The following AHNAK variants were observed in gnomAD, a reference collection of about 807,000 sequenced individuals.
AHNAK encodes the protein AHNAK nucleoprotein.
Under a neutral mutation model 37.8 loss-of-function variants are expected in AHNAK, and 23 were observed. That is an observed-to-expected ratio of 0.61 (90% CI 0.44 to 0.86). AHNAK has a LOEUF of 0.86. AHNAK is among the 40% of genes least tolerant of loss of function. The pLI, the probability that AHNAK is intolerant of heterozygous loss-of-function variation, is 0.00. For synonymous variants in AHNAK, 2,481 were observed against 2,636.3 expected (o/e 0.94, Z 1.80); for missense variants, 7,411 against 7,319.4 (o/e 1.01, Z -0.46).
At chr11:62,457,689 C>T (rs1015180463) in intron 5 of AHNAK, among the ~76,000 whole-genome samples, 1 of 151,968 alleles carries the variant, frequency 6.6e-6, no homozygotes, top group Non-Finnish European at 1.5e-5. Flanking sequence ...AAACAGAAAG[C>T]CAAATACCAC....
intron 5 of AHNAK, among the ~76,000 whole-genome samples, chr11:62,479,141 CTTTCT>C (rs1341470382): frequency 6.9e-6 from 1 of 144,674 alleles, no homozygotes; most frequent in African/African-American, 2.5e-5. Context: ...AAGAGCTTTG[CTTTCT>C]TTTCTTTTTT....
chr11:62,461,012 A>G lies in AHNAK; in HGVS notation c.443-27121T>C, dbSNP rs528973418. Reference sequence around the variant, plus strand: ...ATTTTTTTTTTTTTTTTTTTTTTGTATTTTAGTAGAGACAGGGTTTCACTG... The same window carrying G: ...ATTTTTTTTTTTTTTTTTTTTTTGTGTTTTAGTAGAGACAGGGTTTCACTG... On this transcript the variant is annotated intron_variant, in intron 5 of 5. Transcript: ENST00000257247. Among the ~76,000 whole-genome samples the G allele has an allele frequency of 1.0e-2, 705 of 70,786 alleles. 1 individual carries two copies. Among genetic ancestry groups the G allele is most frequent in the Non-Finnish European group, 0.015 (500 of 34,426 alleles). The allele number at this position is 70,786 out of a possible 152,430, so 46.4% of individuals were successfully genotyped here.
intron 4 of AHNAK, chr11:62,491,861 A>G (rs2134896064): frequency 1.3e-6 from 2 of 1,581,708 alleles, no homozygotes; most frequent in Non-Finnish European, 1.7e-6. Context: ...TCACCAGGTC[A>G]CTCATCAAAT....
chr11:62,525,877 G>A lies in AHNAK; in HGVS notation c.8540C>T (p.Pro2847Leu). Reference protein sequence around the residue: ...MPDIDLNLTGPKIKGDVDVTG... With the variant: ...MPDIDLNLTGLKIKGDVDVTG... ...AACATCCACATCTCCTTTTATTTTTGGACCTGTGAGATTCAGGTCAATATC... is the reference window on the plus strand; with the variant it reads ...AACATCCACATCTCCTTTTATTTTTAGACCTGTGAGATTCAGGTCAATATC... Residue 2847 changes from proline to leucine, a missense_variant, in exon 5 of 5, where the codon CCA (proline) becomes CTA (leucine). Pro to Leu is a moderately conservative substitution (Grantham distance 98, BLOSUM62 -3). Coordinates refer to ENST00000378024, the MANE Select transcript of AHNAK (RefSeq NM_001620.3). 3 of 1,614,066 alleles carry A rather than the reference G, an allele frequency of 1.9e-6. No homozygotes were observed. Among genetic ancestry groups the A allele is most frequent in the Non-Finnish European group, 2.5e-6 (3 of 1,180,008 alleles).
At position 62,532,595 on chromosome 11, in the gene AHNAK, G is replaced by A. The variant is rs756327544; in HGVS notation, c.1822C>T (p.Pro608Ser). Residue 608 changes from proline to serine, a missense_variant, in exon 5 of 5, where the codon CCC becomes TCC. Pro to Ser is a moderately conservative substitution (Grantham distance 74). Transcript: ENST00000378024. The stretch of plus-strand genomic sequence containing the variant: ...TCTGGGGCACTGACATCCACTTTGG[G>A]GCCTCTGACATCAACTTCAGGGACT... ...VKVPEVDVRG[P>S]KVDVSAPDVE... 2 of 1,614,086 alleles carry A rather than the reference G, an allele frequency of 1.2e-6. No individual in the cohort carries two copies. The highest frequency in any genetic ancestry group is 1.1e-5 in the South Asian group (1 of 91,084).
At chr11:62,459,288 G>GCA (rs1323756587) in intron 5 of AHNAK, among the ~76,000 whole-genome samples, 5 of 152,136 alleles carry the variant, frequency 3.3e-5, no homozygotes, top group African/African-American at 1.2e-4. Flanking sequence ...CTGACTCAGG[G>GCA]CACTGGAAAT....
Position 62,522,136 on chromosome 11 carries a change from G to A in AHNAK, c.12281C>T (p.Pro4094Leu). ...ATCAGGAGTGTCAATGTCCACTTTG[G>A]GTCCTGAGACATCAATGTCAGCTTT... ...LPKADIDVSG[P>L]KVDIDTPDID... is the part of the protein sequence containing the mutation. The change falls in exon 5 of 5, where the codon CCC becomes CTC. Residue 4094 changes from proline (P) to leucine (L), a missense_variant. Transcript: ENST00000378024. The A allele has an allele frequency of 6.2e-7, 1 of 1,613,540 alleles. No homozygotes were observed. Among genetic ancestry groups the A allele is most frequent in the Non-Finnish European group, 8.5e-7 (1 of 1,179,954 alleles).
rs1336831415 is a variant in AHNAK at position 62,459,666 on chromosome 11, T to C, written c.443-25775A>G. ...AATATTCATTGAGAAGGAGGCCAGA[T>C]GCGTAGAATAGTCAAAACAAAAGAG... On this transcript the variant is annotated intron_variant, in intron 5 of 5. Coordinates refer to the AHNAK transcript ENST00000257247. 5.3e-5 allele frequency among the ~76,000 whole-genome samples: 8 copies of C among 152,138 alleles called. No homozygotes were observed. The East Asian group carries it at 1.5e-3, about 29-fold the overall frequency.
At position 62,531,104 on chromosome 11, in the gene AHNAK, C is replaced by A. The variant is rs750604091; in HGVS notation, c.3313G>T (p.Gly1105Cys). ...EMQVPDVDIR[G>C]PKVDIKAPDV... ...GGTGCTTTAATATCTACCTTGGGAC[C>A]TCTGATGTCCACATCTGGAACCTGC... The change falls in exon 5 of 5, where the codon GGT (glycine) becomes TGT (cysteine). Residue 1105 changes from glycine to cysteine, a missense_variant. Gly to Cys is a radical substitution (Grantham distance 159). Transcript: ENST00000378024. The A allele has an allele frequency of 6.2e-7, 1 of 1,614,098 alleles. No homozygotes were observed. Among genetic ancestry groups the A allele is most frequent in the South Asian group, 1.1e-5 (1 of 91,084 alleles).
At position 62,524,605 on chromosome 11, in the gene AHNAK, C is replaced by T. The variant is rs774919968; in HGVS notation, c.9812G>A (p.Gly3271Asp). 3.4e-5 allele frequency: 55 copies of T among 1,613,892 alleles called. No homozygotes were observed. Among genetic ancestry groups the T allele is most frequent in the Non-Finnish European group, 4.4e-5 (52 of 1,180,000 alleles). The change falls in exon 5 of 5, where the codon GGC (glycine) becomes GAC (aspartate). Residue 3271 changes from glycine (G) to aspartate (D), a missense_variant. By Grantham distance (94) the Gly-to-Asp change is moderately conservative (BLOSUM62 -1). Transcript: ENST00000378024. ...TGGACCTTTTAATTTGGCATCTGGG[C>T]CATGAATGTCAATATCTGGAGCATC... is the stretch of plus-strand genomic sequence containing the variant. Reference protein sequence around the residue: ...DVDAPDIDIHGPDAKLKGPKL... With the variant: ...DVDAPDIDIHDPDAKLKGPKL...
In AHNAK at chr11:62,532,083, C is replaced by T. The variant is rs1440531224; in HGVS notation, c.2334G>A (p.Val778=). 1 of 1,613,144 alleles carries T rather than the reference C, an allele frequency of 6.2e-7. No individual in the cohort carries two copies. Among genetic ancestry groups the T allele is most frequent in the Admixed American group, 1.7e-5 (1 of 59,890 alleles). The part of the protein sequence containing the change: ...EVDVNLPKAD[V]DISGPKIDVT... ...CATCTATCTTGGGCCCGGAAATGTC[C>T]ACATCAGCCTTGGGCAGGTTCACAT... Residue 778 remains valine, a synonymous_variant, in exon 5 of 5, where the codon GTG becomes GTA. Transcript: ENST00000378024.
At chr11:62,464,809 C>T (rs933477968) in intron 5 of AHNAK, among the ~76,000 whole-genome samples, 3 of 151,930 alleles carry the variant, frequency 2.0e-5, no homozygotes, top group African/African-American at 4.8e-5. Context: ...CCAGCCTGGG[C>T]GACAGAGGGA....
chr11:62,508,581 G>T (rs1183429879), intron 4 of AHNAK, among the ~76,000 whole-genome samples: 1 of 152,242 alleles, frequency 6.6e-6, no homozygotes, highest in African/African-American at 2.4e-5. Context: ...GCGTGTGGTG[G>T]AAAATAACAG....
downstream of AHNAK, among the ~76,000 whole-genome samples, chr11:62,515,694 T>C (rs574513154): frequency 1.3e-5 from 2 of 152,384 alleles, no homozygotes; most frequent in South Asian, 2.1e-4. Context: ...AAGCCTCTTC[T>C]TGATTTCTCA....
rs765141840 is a variant in AHNAK at position 62,529,916 on chromosome 11, C to T, written c.4501G>A (p.Val1501Ile). ...TTCAGGTGCCAGTCTGGGCCATGAA[C>T]CTCCACATCTGGTGCATTAATATCA... ...KVDINAPDVE[V>I]HGPDWHLKMP... Residue 1501 changes from valine to isoleucine, a missense_variant, in exon 5 of 5, where the codon GTT becomes ATT. Transcript: ENST00000378024. 2.5e-6 allele frequency: 4 copies of T among 1,612,422 alleles called. No individual in the cohort carries two copies. The highest frequency in any genetic ancestry group is 1.1e-5 in the South Asian group (1 of 90,992).
At chr11:62,469,295 T>C (rs1938979980) in intron 5 of AHNAK, among the ~76,000 whole-genome samples, 1 of 152,104 alleles carries the variant, frequency 6.6e-6, no homozygotes, top group Admixed American at 6.6e-5. Context: ...CTAATTTTTA[T>C]ATTTTTAGTA....
At chr11:62,534,557 G>A (rs966416135) in intron 4 of AHNAK, among the ~76,000 whole-genome samples, 3 of 152,186 alleles carry the variant, frequency 2.0e-5, no homozygotes, top group Non-Finnish European at 4.4e-5. Flanking sequence ...CCCATTATTT[G>A]TTAAATAAAC....
intron 1 of AHNAK, among the ~76,000 whole-genome samples, chr11:62,539,321 C>T (rs1205585921): frequency 6.6e-6 from 1 of 152,220 alleles, no homozygotes; most frequent in East Asian, 1.9e-4. Context: ...GCCCAGACAC[C>T]CCTGTCCTCC....
At chr11:62,479,855 G>C (rs2134867782) in intron 5 of AHNAK, among the ~76,000 whole-genome samples, 1 of 152,298 alleles carries the variant, frequency 6.6e-6, no homozygotes, top group East Asian at 1.9e-4. Context: ...ATTCTTGAAA[G>C]TATTCCAAAG....
Sources: allele counts gnomAD v4.1 joint callset (sites outside exome capture counted in the v4.1 genomes callset), GRCh38; gene constraint gnomAD v4.1.1; transcripts MANE v1.5; gene names NCBI Gene and HGNC (gene_info 2026-07-23, HGNC 2026-07-21).